The following ULK4 variants were observed in gnomAD, a reference collection of about 807,000 sequenced individuals.
ULK4 encodes the protein inactive serine/threonine-protein kinase ULK4.
ULK4 carries 133 observed loss-of-function variants against 160.6 expected under a neutral mutation model. The observed-to-expected ratio is 0.83, with a 90% CI of 0.72 to 0.96. The LOEUF is 0.96. ULK4 is among the 40% of genes least tolerant of loss of function. The pLI is 0.00. For synonymous variants in ULK4, 534 were observed against 539.8 expected (o/e 0.99, Z 0.15); for missense variants, 1,580 against 1,499.5 (o/e 1.05, Z -0.89).
intron 31 of ULK4, among the ~76,000 whole-genome samples, chr3:41,580,274 A>T (rs1420598223): frequency 6.6e-6 from 1 of 152,100 alleles, no homozygotes. Context: ...GAACATCCAT[A>T]CATCATTCTG....
intron 1 of ULK4, among the ~76,000 whole-genome samples, chr3:41,956,429 G>A (rs56125774): frequency 0.021 from 3,238 of 152,244 alleles, 48 homozygotes; most frequent in Non-Finnish European, 0.033. Flanking sequence ...CTGCTTTCAT[G>A]CTTTTGTTGC....
intron 32 of ULK4, among the ~76,000 whole-genome samples, chr3:41,533,864 GTGGCGCGATCT>G (rs909357474): frequency 2.0e-5 from 3 of 152,178 alleles, no homozygotes; most frequent in Non-Finnish European, 2.9e-5. Context: ...CCGGACTGCA[GTGGCGCGATCT>G]TGGCTCACTG....
intron 27 of ULK4, among the ~76,000 whole-genome samples, chr3:41,684,394 A>C (rs1279753592): frequency 6.6e-6 from 1 of 152,222 alleles, no homozygotes; most frequent in Non-Finnish European, 1.5e-5. Context: ...CAGGTCCTTG[A>C]AACAAAAACT....
intron 32 of ULK4, among the ~76,000 whole-genome samples, chr3:41,534,907 A>T (rs576280426): frequency 6.6e-6 from 1 of 152,192 alleles, no homozygotes; most frequent in Non-Finnish European, 1.5e-5. Flanking sequence ...AAATCCTTGG[A>T]GACAGATATA....
At chr3:41,248,097 A>T (rs376963062) in intron 36 of ULK4, among the ~76,000 whole-genome samples, 1 of 152,122 alleles carries the variant, frequency 6.6e-6, no homozygotes, top group Non-Finnish European at 1.5e-5. Flanking sequence ...AGGATGTGCT[A>T]TTTTTGGCTA....
chr3:41,459,101 G>A (rs1408539968), intron 33 of ULK4, among the ~76,000 whole-genome samples: 1 of 152,096 alleles, frequency 6.6e-6, no homozygotes, highest in Non-Finnish European at 1.5e-5. Flanking sequence ...ACCCAGGCTG[G>A]AGTGCAGTGG....
At chr3:41,469,415 T>C (rs1468634325) in intron 32 of ULK4, among the ~76,000 whole-genome samples, 1 of 151,724 alleles carries the variant, frequency 6.6e-6, no homozygotes, top group African/African-American at 2.4e-5. Flanking sequence ...GGGCCAACTG[T>C]ATTTCCAGAG....
intron 32 of ULK4, among the ~76,000 whole-genome samples, chr3:41,561,719 AT>A (rs548252765): frequency 6.6e-6 from 1 of 152,052 alleles, no homozygotes; most frequent in Non-Finnish European, 1.5e-5. Flanking sequence ...CCTCTTTATC[AT>A]TTTTTATTGT....
At chr3:41,656,502 A>G (rs1452714083) in intron 30 of ULK4, among the ~76,000 whole-genome samples, 1 of 152,230 alleles carries the variant, frequency 6.6e-6, no homozygotes, top group Non-Finnish European at 1.5e-5. Context: ...TTAAATACTA[A>G]GCATCCTTAG....
intron 31 of ULK4, among the ~76,000 whole-genome samples, chr3:41,588,755 A>G (rs1261651416): frequency 6.6e-6 from 1 of 152,256 alleles, no homozygotes; most frequent in African/African-American, 2.4e-5. Context: ...ACTTAAGGTT[A>G]CAGTTGACAA....
At chr3:41,835,768 C>A in intron 18 of ULK4, 96 bp downstream of exon 18, 1 of 852,256 alleles carries the variant, frequency 1.2e-6, no homozygotes, top group Non-Finnish European at 1.8e-6. Flanking sequence ...TGCTCTAAGG[C>A]GCAAAATCAA....
At chr3:41,485,801 C>T (rs2084506391) in intron 32 of ULK4, among the ~76,000 whole-genome samples, 1 of 152,122 alleles carries the variant, frequency 6.6e-6, no homozygotes, top group South Asian at 2.1e-4. Flanking sequence ...TATCAAATCT[C>T]TAAAAAATTT....
At chr3:41,705,562 T>C (rs1019402077) in intron 25 of ULK4, among the ~76,000 whole-genome samples, 1 of 152,084 alleles carries the variant, frequency 6.6e-6, no homozygotes, top group Non-Finnish European at 1.5e-5. Context: ...AGTGGCCCGA[T>C]CTCGGCTCAC....
chr3:41,687,424 A>G (rs929317213), intron 27 of ULK4, among the ~76,000 whole-genome samples: 3 of 152,154 alleles, frequency 2.0e-5, no homozygotes, highest in African/African-American at 4.8e-5. Context: ...TAATAAAATC[A>G]TCATTCTGAG....
intron 2 of ULK4, among the ~76,000 whole-genome samples, chr3:41,948,321 T>C (rs1300688535): frequency 6.6e-6 from 1 of 152,046 alleles, no homozygotes; most frequent in African/African-American, 2.4e-5. Flanking sequence ...CATGGTAATG[T>C]GCACCTGTAA....
chr3:41,470,959 A>C (rs967233155), intron 32 of ULK4, among the ~76,000 whole-genome samples: 3 of 152,164 alleles, frequency 2.0e-5, no homozygotes, highest in Non-Finnish European at 4.4e-5. Context: ...AAATGACAGA[A>C]GTCCTTACCT....
chr3:41,606,575 T>G (rs1353936143), intron 31 of ULK4, among the ~76,000 whole-genome samples: 1 of 152,072 alleles, frequency 6.6e-6, no homozygotes, highest in Non-Finnish European at 1.5e-5. Context: ...TGTACTAATT[T>G]GTACCCCCAT....
chr3:41,606,241 G>A (rs994649178), intron 31 of ULK4, among the ~76,000 whole-genome samples: 4 of 151,750 alleles, frequency 2.6e-5, no homozygotes, highest in African/African-American at 7.2e-5. Flanking sequence ...AGGACAAAAC[G>A]AAGAGTTAAA....
chr3:41,742,022 G>A (rs2038255293), intron 22 of ULK4, among the ~76,000 whole-genome samples: 1 of 151,800 alleles, frequency 6.6e-6, no homozygotes, highest in Non-Finnish European at 1.5e-5. Flanking sequence ...AAAAAAGATG[G>A]CCTAACAACA....
Sources: gnomAD v4.1 joint callset for allele counts (sites outside exome capture counted in the v4.1 genomes callset) on GRCh38, gnomAD v4.1.1 for gene constraint, MANE v1.5 for transcripts, NCBI Gene and HGNC (gene_info 2026-07-23, HGNC 2026-07-21) for gene names.